CLCA4: variants seen among roughly 807,000 people sequenced by gnomAD.
CLCA4 encodes the protein chloride channel accessory 4.
A neutral mutation model predicts 78.9 loss-of-function variants in CLCA4; 69 were observed. The observed-to-expected ratio is 0.87, with a 90% confidence interval of 0.72 to 1.07. CLCA4 has a LOEUF of 1.07. CLCA4 is among the 50% of genes least tolerant of loss of function. The pLI, the probability that CLCA4 is intolerant of heterozygous loss-of-function variation, is 0.00. For missense variants in CLCA4, 1,133 were observed against 1,095.8 expected (o/e 1.03, Z -0.48); for synonymous variants, 362 against 375.8 (o/e 0.96, Z 0.42).
intron 1 of CLCA4, chr1:86,553,062 G>A: frequency 1.5e-6 from 1 of 664,140 alleles, no homozygotes. Context: ...TCTCCATGAA[G>A]ACCAAGTGGT....
chr1:86,566,798 C>T (rs931876813), intron 6 of CLCA4, among the ~76,000 whole-genome samples: 1 of 151,918 alleles, frequency 6.6e-6, no homozygotes, highest in African/African-American at 2.4e-5. Context: ...AAAGCTTACA[C>T]CTTAGACAAT....
chr1:86,553,516 G>A (rs550254373), intron 1 of CLCA4, among the ~76,000 whole-genome samples: 14 of 152,284 alleles, frequency 9.2e-5, no homozygotes, highest in African/African-American at 3.4e-4. Context: ...CTCAGCCGAC[G>A]CCACCGCCGC....
At chr1:86,553,493 G>C (rs548097006) in intron 1 of CLCA4, among the ~76,000 whole-genome samples, 16 of 152,268 alleles carry the variant, frequency 1.1e-4, no homozygotes, top group African/African-American at 3.8e-4. Context: ...GAGTCTGCCC[G>C]CTGGGTCCTC....
chr1:86,547,237 C>A lies in CLCA4; in HGVS notation c.118C>A (p.Pro40Thr). ...GFEDIVIVID[P>T]SVPEDEKIIE... ...TGAAGATATTGTCATTGTTATAGAT[C>A]CTAGTGTGCCAGAAGATGAAAAAAT... Residue 40 changes from proline to threonine, a missense_variant, in exon 1 of 14, where the codon CCT becomes ACT. Transcript: ENST00000370563. 6.2e-7 allele frequency: 1 copy of A among 1,604,238 alleles called. No homozygotes were observed. Among genetic ancestry groups the A allele is most frequent in the African/African-American group, 1.3e-5 (1 of 74,540 alleles).
chr1:86,555,394 G>A (rs1649807600), intron 1 of CLCA4, among the ~76,000 whole-genome samples: 1 of 152,258 alleles, frequency 6.6e-6, no homozygotes, highest in East Asian at 1.9e-4. Flanking sequence ...GTGTAAGGAA[G>A]GGATCCAGCT....
At position 86,565,828 on chromosome 1, in the gene CLCA4, C is replaced by T. The variant is rs1018750206; in HGVS notation, c.762C>T (p.Thr254=). The T allele has an allele frequency of 6.5e-7, 1 of 1,540,140 alleles. No individual in the cohort carries two copies. Among genetic ancestry groups the T allele is most frequent in the Non-Finnish European group, 8.7e-7 (1 of 1,143,470 alleles). ...TTGTTGAATTTTGTAACGAAAAAAC[C>T]CATAATCAAGAAGCTCCAAGCCTAC... ...DSVVEFCNEK[T]HNQEAPSLQN... is the part of the protein sequence containing the mutation. Residue 254 remains threonine, a synonymous_variant, in exon 6 of 14, where the codon ACC becomes ACT. Coordinates refer to ENST00000370563, the MANE Select transcript of CLCA4 (RefSeq NM_012128.4).
chr1:86,560,975 C>T (rs2101799687), intron 3 of CLCA4, among the ~76,000 whole-genome samples: 1 of 152,240 alleles, frequency 6.6e-6, no homozygotes, highest in South Asian at 2.1e-4. Flanking sequence ...AAATGCAAAT[C>T]ATTGTTAAAG....
chr1:86,547,803 T>G (rs1404222192), intron 1 of CLCA4, among the ~76,000 whole-genome samples: 5 of 152,200 alleles, frequency 3.3e-5, no homozygotes. Flanking sequence ...CAATTTCATT[T>G]TTTTCAGTGA....
chr1:86,564,051 A>G (rs545507603), intron 4 of CLCA4, among the ~76,000 whole-genome samples: 78 of 152,280 alleles, frequency 5.1e-4, no homozygotes, highest in African/African-American at 1.9e-3. Flanking sequence ...GATATACAAT[A>G]TGCTGGGATA....
At chr1:86,570,079 AAT>A (rs1387787376) in intron 7 of CLCA4, among the ~76,000 whole-genome samples, 1 of 151,914 alleles carries the variant, frequency 6.6e-6, no homozygotes, top group Admixed American at 6.6e-5. Context: ...CATATATTGC[AAT>A]ATATATATTA....
At chr1:86,572,930 G>C (rs898777872) in intron 9 of CLCA4, 2 of 538,540 alleles carry the variant, frequency 3.7e-6, no homozygotes, top group African/African-American at 3.8e-5. Context: ...CAGACATACT[G>C]TTTCTTTTCC....
intron 1 of CLCA4, among the ~76,000 whole-genome samples, chr1:86,550,839 T>C (rs1293298155): frequency 1.3e-5 from 2 of 151,134 alleles, no homozygotes; most frequent in Non-Finnish European, 3.0e-5. Context: ...ATTTCTTTTT[T>C]TTTTTTTTTT....
At chr1:86,577,831 G>A (rs1026116079) in intron 11 of CLCA4, 71 bp from the exon 12 acceptor site, 3 of 1,244,310 alleles carry the variant, frequency 2.4e-6, no homozygotes, top group Non-Finnish European at 3.4e-6. Flanking sequence ...TGCTTGTAGA[G>A]GCCAATTGCT....
chr1:86,558,285 T>A (rs1426466888), intron 1 of CLCA4, among the ~76,000 whole-genome samples: 1 of 152,142 alleles, frequency 6.6e-6, no homozygotes, highest in East Asian at 1.9e-4. Context: ...CTGGTCTGTG[T>A]GTCTGGCTTT....
chr1:86,560,187 G>T, intron 2 of CLCA4, 24 bp from the exon 3 acceptor site: 2 of 1,579,842 alleles, frequency 1.3e-6, no homozygotes, highest in South Asian at 1.2e-5. Flanking sequence ...TTTGATGTTT[G>T]ACAATCTTTT....
At chr1:86,549,425 C>T (rs1649592728) in intron 1 of CLCA4, among the ~76,000 whole-genome samples, 1 of 152,138 alleles carries the variant, frequency 6.6e-6, no homozygotes, top group Non-Finnish European at 1.5e-5. Context: ...TGATGAAAAT[C>T]CATAGGAGGA....
chr1:86,548,977 G>A (rs1543467), intron 1 of CLCA4, among the ~76,000 whole-genome samples: 72,392 of 152,014 alleles, frequency 0.48, 21,379 homozygotes, highest in African/African-American at 0.82. Context: ...AGAATTCTTT[G>A]TTGAATGTTT....
At position 86,580,224 on chromosome 1, in the gene CLCA4, C is replaced by T. The variant is rs760360033; in HGVS notation, c.2639C>T (p.Thr880Ile). ...CCTGATGACATTGATCCTACACCTA[C>T]TCCTACTCCTACTCCTACTCCTGAT... is the stretch of plus-strand genomic sequence containing the variant. ...ANPDDIDPTP[T>I]PTPTPTPDKS... The change falls in exon 14 of 14, where the codon ACT (threonine) becomes ATT (isoleucine). Residue 880 changes from threonine (T) to isoleucine (I), a missense_variant. Coordinates refer to ENST00000370563, the MANE Select transcript of CLCA4 (RefSeq NM_012128.4). 6 of 1,568,262 alleles carry T rather than the reference C, an allele frequency of 3.8e-6. No homozygotes were observed.
rs1253578716 is a variant in CLCA4 at position 86,574,463 on chromosome 1, G to T, written c.1468-77G>T. ...CATTTATAAGCTTGTTCTCAGGCCA[G>T]AAATTAAAAACCATCTTGAAAAAAG... is the stretch of plus-strand genomic sequence containing the variant. On this transcript the variant is annotated intron_variant, in intron 9 of 13. Coordinates refer to ENST00000370563, the MANE Select transcript of CLCA4 (RefSeq NM_012128.4). 3 of 1,232,780 alleles carry T rather than the reference G, an allele frequency of 2.4e-6. No individual in the cohort carries two copies. The Admixed American group carries it at 5.6e-5, about 23-fold the overall frequency. 76.4% of individuals were successfully genotyped at this position (1,232,780 alleles called of 1,614,324 possible).
Sources: gnomAD v4.1 joint callset for allele counts (sites outside exome capture counted in the v4.1 genomes callset) on GRCh38, gnomAD v4.1.1 for gene constraint, MANE v1.5 for transcripts, NCBI Gene and HGNC (gene_info 2026-07-23, HGNC 2026-07-21) for gene names.